The following ANK3 variants were observed in gnomAD, a reference collection of about 807,000 sequenced individuals.
The protein encoded by ANK3 is ankyrin 3, also known as ankyrin-3.
A neutral mutation model predicts 370.9 loss-of-function variants in ANK3; 57 were observed. The observed-to-expected ratio is 0.15, with a 90% CI of 0.12 to 0.19. The LOEUF is 0.19. Among genes scored for constraint, ANK3 ranks in the 10% least tolerant of loss-of-function variants. The pLI, the probability that ANK3 is intolerant of heterozygous loss-of-function variation, is 1.00. For synonymous variants in ANK3, 1,929 were observed against 1,946.3 expected (o/e 0.99, Z 0.23); for missense variants, 4,439 against 5,302.1 (o/e 0.84, Z 5.06).
intron 2 of ANK3, among the ~76,000 whole-genome samples, chr10:60,463,470 C>T (rs1009050290): frequency 6.6e-6 from 1 of 152,042 alleles, no homozygotes; most frequent in Admixed American, 6.6e-5. Context: ...TGTAAAGCTC[C>T]CTGTCATCTT....
At chr10:60,649,503 G>A (rs1327589400) in intron 1 of ANK3, among the ~76,000 whole-genome samples, 1 of 152,076 alleles carries the variant, frequency 6.6e-6, no homozygotes, top group Non-Finnish European at 1.5e-5. Context: ...GTTTAGCAAA[G>A]TCAGTGAATT....
At chr10:60,358,422 G>A (rs2058113385) in intron 1 of ANK3, among the ~76,000 whole-genome samples, 2 of 152,228 alleles carry the variant, frequency 1.3e-5, no homozygotes, top group South Asian at 2.1e-4. Context: ...CAATCATGCA[G>A]GCTTACCTGG....
chr10:60,099,902 G>C (rs1201074297), intron 28 of ANK3, among the ~76,000 whole-genome samples: 5 of 151,934 alleles, frequency 3.3e-5, no homozygotes, highest in Non-Finnish European at 5.9e-5. Flanking sequence ...TCGTGGACCT[G>C]CTTCACTGCC....
At chr10:60,377,356 T>C (rs1425073854) in intron 1 of ANK3, among the ~76,000 whole-genome samples, 1 of 152,242 alleles carries the variant, frequency 6.6e-6, no homozygotes, top group Non-Finnish European at 1.5e-5. Context: ...TGTTCAAGGT[T>C]ATGATTTTGA....
At chr10:60,588,017 C>A (rs1041979086) in intron 2 of ANK3, among the ~76,000 whole-genome samples, 2 of 151,936 alleles carry the variant, frequency 1.3e-5, no homozygotes, top group African/African-American at 2.4e-5. Context: ...GCTAATAATG[C>A]ACAAACATGT....
intron 17 of ANK3, among the ~76,000 whole-genome samples, chr10:60,185,710 T>G (rs532885791): frequency 2.2e-4 from 33 of 152,262 alleles, no homozygotes; most frequent in Admixed American, 4.6e-4. Context: ...CTGAGGGCCC[T>G]TTTGTGTGGT....
chr10:60,090,750 A>G (rs76939006), intron 28 of ANK3, among the ~76,000 whole-genome samples: 4,157 of 152,328 alleles, frequency 0.027, 187 homozygotes, highest in African/African-American at 0.095. Context: ...AGCTAAAATT[A>G]AACACTAATC....
At chr10:60,095,528 A>G (rs1157571482) in intron 28 of ANK3, among the ~76,000 whole-genome samples, 1 of 152,174 alleles carries the variant, frequency 6.6e-6, no homozygotes, top group Non-Finnish European at 1.5e-5. Flanking sequence ...CTACAGATGT[A>G]CATCACCACG....
intron 28 of ANK3, among the ~76,000 whole-genome samples, chr10:60,094,739 A>C (rs995727042): frequency 8.3e-5 from 2 of 24,226 alleles, no homozygotes. Flanking sequence ...TAAGTGTGAA[A>C]AGGCAAAAGG....
intron 2 of ANK3, among the ~76,000 whole-genome samples, chr10:60,532,726 C>T (rs1264620639): frequency 6.6e-6 from 1 of 152,030 alleles, no homozygotes; most frequent in African/African-American, 2.4e-5. Flanking sequence ...AGGTTTTCAA[C>T]CAGAATGCTA....
At chr10:60,278,900 A>G in intron 3 of ANK3, 28 bp from the exon 4 acceptor site, 1 of 1,604,638 alleles carries the variant, frequency 6.2e-7, no homozygotes, top group South Asian at 1.1e-5. Flanking sequence ...AGATATATCA[A>G]CTCATCGATC....
chr10:60,421,536 G>C (rs1481562061), intron 2 of ANK3, among the ~76,000 whole-genome samples: 1 of 151,812 alleles, frequency 6.6e-6, no homozygotes, highest in African/African-American at 2.4e-5. Flanking sequence ...AAATCAAGTG[G>C]AGGACAATGA....
chr10:60,733,125 G>C, intron 1 of ANK3: 1 of 672,256 alleles, frequency 1.5e-6, no homozygotes, highest in Non-Finnish European at 2.1e-6. Context: ...TCGCCCTCCC[G>C]GAGCCTCGCG....
intron 1 of ANK3, among the ~76,000 whole-genome samples, chr10:60,344,816 A>G (rs4406773): frequency 0.7 from 105,817 of 151,766 alleles, 38,155 homozygotes; most frequent in South Asian, 0.91. Flanking sequence ...TGTATCAATC[A>G]AATTCACTCT....
At chr10:60,315,514 G>T (rs967206946) in intron 1 of ANK3, among the ~76,000 whole-genome samples, 2 of 152,028 alleles carry the variant, frequency 1.3e-5, no homozygotes, top group Admixed American at 6.6e-5. Context: ...AGTAAAAACG[G>T]TCCAGAATCA....
chr10:60,264,687 A>G (rs1034501123), intron 5 of ANK3, among the ~76,000 whole-genome samples: 5 of 152,154 alleles, frequency 3.3e-5, no homozygotes, highest in Admixed American at 6.6e-5. Flanking sequence ...CAAAGTTTTC[A>G]AAGGAGATCA....
chr10:60,659,157 A>G (rs1376708598), intron 1 of ANK3, among the ~76,000 whole-genome samples: 1 of 152,194 alleles, frequency 6.6e-6, no homozygotes, highest in Admixed American at 6.5e-5. Context: ...TGTGATCTTG[A>G]GTTATGCAAA....
intron 2 of ANK3, among the ~76,000 whole-genome samples, chr10:60,520,724 GC>G (rs1308614617): frequency 1.3e-5 from 2 of 152,134 alleles, no homozygotes; most frequent in Non-Finnish European, 2.9e-5. Flanking sequence ...TGGTGTTTCT[GC>G]CCATTGTTGT....
At chr10:60,352,412 T>C (rs1213587643) in intron 1 of ANK3, among the ~76,000 whole-genome samples, 3 of 152,228 alleles carry the variant, frequency 2.0e-5, no homozygotes, top group Admixed American at 6.5e-5. Flanking sequence ...TAAACACAGA[T>C]GCTAGTCCTG....
Sources: gnomAD v4.1 joint callset for allele counts (sites outside exome capture counted in the v4.1 genomes callset) on GRCh38, gnomAD v4.1.1 for gene constraint, MANE v1.5 for transcripts, NCBI Gene and HGNC (gene_info 2026-07-23, HGNC 2026-07-21) for gene names.